The following UNC5D variants were observed in gnomAD, a reference collection of about 807,000 sequenced individuals.
The protein encoded by UNC5D is unc-5 netrin receptor D.
A neutral mutation model predicts 105.4 loss-of-function variants in UNC5D; 39 were observed. The ratio of observed to expected loss-of-function variants is 0.37; its 90% CI spans 0.29 to 0.48. UNC5D has a LOEUF of 0.48. UNC5D is among the 20% of genes least tolerant of loss of function. The pLI is 0.98. For missense variants in UNC5D, 991 were observed against 1,202.4 expected, an observed-to-expected ratio of 0.82 and a Z score of 2.60; for synonymous variants, 452 against 450.4, an observed-to-expected ratio of 1.00 and a Z score of -0.04.
chr8:35,521,919 C>T (rs1175218121), intron 1 of UNC5D, among the ~76,000 whole-genome samples: 2 of 152,180 alleles, frequency 1.3e-5, no homozygotes, highest in Admixed American at 6.5e-5. Flanking sequence ...TTCTCTATAG[C>T]CCAGCCTTAA....
chr8:35,261,170 G>A (rs918035840), intron 1 of UNC5D, among the ~76,000 whole-genome samples: 3 of 152,108 alleles, frequency 2.0e-5, no homozygotes, highest in Non-Finnish European at 2.9e-5. Flanking sequence ...ATGGACTTGC[G>A]CATCAAAGGG....
chr8:35,701,203 C>A (rs536491292), intron 7 of UNC5D, among the ~76,000 whole-genome samples: 44 of 152,286 alleles, frequency 2.9e-4, no homozygotes, highest in South Asian at 1.7e-3. Flanking sequence ...TACATTTAAG[C>A]AACCCTACTA....
intron 4 of UNC5D, among the ~76,000 whole-genome samples, chr8:35,638,288 C>T (rs759713730): frequency 7.9e-5 from 12 of 151,862 alleles, no homozygotes; most frequent in Non-Finnish European, 1.0e-4. Flanking sequence ...AAAATTGGAG[C>T]GGTGTTTGGC....
intron 3 of UNC5D, among the ~76,000 whole-genome samples, chr8:35,575,865 C>T (rs755481671): frequency 1.3e-4 from 20 of 152,054 alleles, no homozygotes; most frequent in Non-Finnish European, 2.6e-4. Context: ...GCCAAGTAAT[C>T]GCATCTAGCC....
At chr8:35,310,007 G>A (rs1228985843) in intron 1 of UNC5D, among the ~76,000 whole-genome samples, 1 of 152,070 alleles carries the variant, frequency 6.6e-6, no homozygotes, top group Non-Finnish European at 1.5e-5. Context: ...ATTCATAAGT[G>A]TTTCTGCAGT....
chr8:35,763,919 G>T (rs532799303), intron 14 of UNC5D, among the ~76,000 whole-genome samples: 1 of 152,276 alleles, frequency 6.6e-6, no homozygotes, highest in East Asian at 1.9e-4. Context: ...TAAATGCAGA[G>T]TTCCTAGGTG....
chr8:35,730,245 C>A (rs1182918866), intron 10 of UNC5D, among the ~76,000 whole-genome samples: 1 of 152,178 alleles, frequency 6.6e-6, no homozygotes, highest in Non-Finnish European at 1.5e-5. Context: ...TTCTTCACAG[C>A]GTTTTAGAGG....
chr8:35,337,458 AC>A (rs934815386), intron 1 of UNC5D, among the ~76,000 whole-genome samples: 53 of 152,330 alleles, frequency 3.5e-4, no homozygotes, highest in African/African-American at 1.3e-3. Context: ...GTAACATTTT[AC>A]TTACGCATTG....
At chr8:35,529,527 T>C (rs1563504188) in intron 1 of UNC5D, among the ~76,000 whole-genome samples, 1 of 135,502 alleles carries the variant, frequency 7.4e-6, no homozygotes, top group East Asian at 2.1e-4. Flanking sequence ...GACTTGGCGA[T>C]GCGGGCTCTT....
chr8:35,638,160 C>G (rs1463617018), intron 4 of UNC5D, among the ~76,000 whole-genome samples: 1 of 152,180 alleles, frequency 6.6e-6, no homozygotes, highest in Non-Finnish European at 1.5e-5. Flanking sequence ...GAAGACATGT[C>G]ACCTATACTT....
intron 1 of UNC5D, among the ~76,000 whole-genome samples, chr8:35,354,482 G>A (rs1049320973): frequency 2.6e-5 from 4 of 152,068 alleles, no homozygotes; most frequent in Admixed American, 1.3e-4. Context: ...TGTTTTCAAG[G>A]TAACTGAGCT....
chr8:35,372,453 C>T (rs1802476637), intron 1 of UNC5D, among the ~76,000 whole-genome samples: 1 of 151,808 alleles, frequency 6.6e-6, no homozygotes, highest in Admixed American at 6.6e-5. Context: ...TTGGATTAAC[C>T]TTGTATATTT....
At chr8:35,268,388 T>G (rs1805039181) in intron 1 of UNC5D, among the ~76,000 whole-genome samples, 2 of 152,144 alleles carry the variant, frequency 1.3e-5, no homozygotes, top group African/African-American at 4.8e-5. Flanking sequence ...TTCCTTACAA[T>G]GTCTTTTTCC....
chr8:35,411,782 G>A (rs1344749230), intron 1 of UNC5D, among the ~76,000 whole-genome samples: 1 of 151,822 alleles, frequency 6.6e-6, no homozygotes, highest in Admixed American at 6.6e-5. Context: ...GGAGAGCAAG[G>A]ACTGTTTAAT....
At chr8:35,731,172 G>A in intron 11 of UNC5D, 76 bp downstream of exon 11, 1 of 1,412,330 alleles carries the variant, frequency 7.1e-7, no homozygotes, top group South Asian at 1.2e-5. Flanking sequence ...GCTGAGGCAG[G>A]CAGATCACTT....
chr8:35,397,589 C>T (rs1427771005), intron 1 of UNC5D, among the ~76,000 whole-genome samples: 1 of 152,188 alleles, frequency 6.6e-6, no homozygotes, highest in Non-Finnish European at 1.5e-5. Flanking sequence ...TGAGTAGGTG[C>T]TTTTCAGCTG....
intron 1 of UNC5D, among the ~76,000 whole-genome samples, chr8:35,339,032 G>T (rs907315717): frequency 2.0e-5 from 3 of 152,208 alleles, no homozygotes; most frequent in Non-Finnish European, 4.4e-5. Flanking sequence ...GCCTAAAATG[G>T]CTTTCTGATA....
At chr8:35,324,791 T>A (rs771015306) in intron 1 of UNC5D, among the ~76,000 whole-genome samples, 4 of 152,222 alleles carry the variant, frequency 2.6e-5, no homozygotes, top group Non-Finnish European at 2.9e-5. Context: ...AAATGAATGC[T>A]AATTAGTTCT....
At chr8:35,266,200 G>A (rs1183349270) in intron 1 of UNC5D, among the ~76,000 whole-genome samples, 5 of 152,148 alleles carry the variant, frequency 3.3e-5, no homozygotes, top group South Asian at 2.1e-4. Context: ...GAGCTTATTC[G>A]AGGTTTCTTT....
Sources: allele counts gnomAD v4.1 joint callset (sites outside exome capture counted in the v4.1 genomes callset), GRCh38; gene constraint gnomAD v4.1.1; transcripts MANE v1.5; gene names NCBI Gene and HGNC (gene_info 2026-07-23, HGNC 2026-07-21).